SVOP: variants seen among roughly 807,000 people sequenced by gnomAD.
SVOP encodes synaptic vesicle 2-related protein.
SVOP carries 17 observed loss-of-function variants against 69.1 expected under a neutral mutation model. The observed-to-expected ratio is 0.25, with a 90% CI of 0.17 to 0.37. SVOP has a LOEUF of 0.37. Among genes scored for constraint, SVOP ranks in the 10% least tolerant of loss-of-function variants. SVOP has a pLI of 1.00. For missense variants in SVOP, 435 were observed against 597.5 expected (o/e 0.73, Z 2.84); for synonymous variants, 238 against 238.6 (o/e 1.00, Z 0.02).
intron 1 of SVOP, among the ~76,000 whole-genome samples, chr12:109,006,299 T>A (rs1279115916): frequency 6.6e-6 from 1 of 152,160 alleles, no homozygotes; most frequent in Non-Finnish European, 1.5e-5. Flanking sequence ...ATGATCTGCC[T>A]ACCTGGGCCT....
intron 1 of SVOP, among the ~76,000 whole-genome samples, chr12:109,007,214 G>C (rs2040313888): frequency 6.6e-6 from 1 of 152,204 alleles, no homozygotes; most frequent in South Asian, 2.1e-4. Flanking sequence ...AGATACCCTG[G>C]TGATGTGGCG....
chr12:108,960,279 C>T (rs907819104), intron 6 of SVOP, among the ~76,000 whole-genome samples: 6 of 152,142 alleles, frequency 3.9e-5, no homozygotes, highest in East Asian at 1.9e-4. Context: ...GTCAGCAGGT[C>T]GAATTCTGCC....
intron 5 of SVOP, among the ~76,000 whole-genome samples, chr12:108,962,168 G>A (rs998439964): frequency 1.3e-5 from 2 of 152,010 alleles, no homozygotes; most frequent in South Asian, 2.1e-4. Context: ...GTGCAATCTC[G>A]GCTCACTGCA....
intron 11 of SVOP, 95 bp from the exon 12 acceptor site, chr12:108,922,892 GT>G: frequency 2.4e-6 from 2 of 835,562 alleles, no homozygotes; most frequent in Non-Finnish European, 1.9e-6. Flanking sequence ...GGGTGATTCA[GT>G]TTAGATGCCA....
At chr12:108,939,702 T>G (rs1348211911) in intron 8 of SVOP, among the ~76,000 whole-genome samples, 1 of 152,184 alleles carries the variant, frequency 6.6e-6, no homozygotes, top group East Asian at 1.9e-4. Context: ...CCACCAACAT[T>G]CTGTTTCCTT....
chr12:108,935,834 C>T (rs1454014168), intron 10 of SVOP, among the ~76,000 whole-genome samples: 10 of 152,086 alleles, frequency 6.6e-5, no homozygotes. Flanking sequence ...CCACCCCCAA[C>T]CCACACCTTC....
chr12:108,949,271 T>C (rs1467755322), intron 6 of SVOP, among the ~76,000 whole-genome samples: 1 of 109,102 alleles, frequency 9.2e-6, no homozygotes, highest in East Asian at 2.6e-4. Flanking sequence ...TTGCAATCTT[T>C]CAGCTTTTTT....
chr12:108,912,449 G>A lies in SVOP; in HGVS notation c.*86C>T, dbSNP rs530156413. 7 of 1,588,260 alleles carry A rather than the reference G, an allele frequency of 4.4e-6. No homozygotes were observed. In the African/African-American group the frequency reaches 6.7e-5, roughly 15 times the overall value. ...TACTCTTGGGTGAGTTCTTGATGTC[G>A]GCAGTGACAATCAGTGCCCCAGTTG... On this transcript the variant is annotated 3_prime_UTR_variant, in exon 16 of 16. Transcript: ENST00000610966.
At chr12:108,986,631 A>G (rs184443337) in intron 1 of SVOP, among the ~76,000 whole-genome samples, 64 of 152,322 alleles carry the variant, frequency 4.2e-4, no homozygotes, top group African/African-American at 1.5e-3. Flanking sequence ...AAGGACTTCA[A>G]GAGACATTTC....
At chr12:108,986,746 ACT>A (rs988829477) in intron 1 of SVOP, among the ~76,000 whole-genome samples, 13 of 151,224 alleles carry the variant, frequency 8.6e-5, no homozygotes, top group African/African-American at 2.4e-4. Flanking sequence ...GCAGGTTCTC[ACT>A]CTGTCGCCAG....
Position 109,012,157 on chromosome 12 carries a change from C to A in SVOP, c.35+8677G>T, listed in dbSNP as rs1435924587. Among the ~76,000 whole-genome samples, 9 of 152,098 alleles carry A rather than the reference C, an allele frequency of 5.9e-5. No homozygotes were observed. The South Asian group carries it at 1.2e-3, about 21-fold the overall frequency. On this transcript the variant is annotated intron_variant, in intron 1 of 15. Transcript: ENST00000610966. ...AATTAGCCGAGTGCAGTGGTGGGTG[C>A]CTATAATCCCAGCTACTCAGGAGGC...
intron 1 of SVOP, 81 bp downstream of exon 1, chr12:109,020,753 T>TGGGGGGGCCCCCCCCCCC: frequency 3.1e-6 from 1 of 317,722 alleles, no homozygotes. Flanking sequence ...TGCAGAGATG[T>TGGGGGGGCCCCCCCCCCC]ACCCCCCCCC....
chr12:108,920,868 A>AT (rs2039744435), intron 12 of SVOP, among the ~76,000 whole-genome samples: 1 of 152,142 alleles, frequency 6.6e-6, no homozygotes, highest in African/African-American at 2.4e-5. Context: ...AAGCACCAGG[A>AT]TTACAGGCAT....
chr12:108,929,887 C>G (rs999158580), intron 11 of SVOP, among the ~76,000 whole-genome samples: 2 of 152,178 alleles, frequency 1.3e-5, no homozygotes, highest in Non-Finnish European at 2.9e-5. Flanking sequence ...AAAATACATA[C>G]TAAGTAAATG....
intron 8 of SVOP, among the ~76,000 whole-genome samples, chr12:108,939,510 T>C (rs1230138017): frequency 6.6e-6 from 1 of 152,228 alleles, no homozygotes; most frequent in East Asian, 1.9e-4. Flanking sequence ...CATACATTTC[T>C]GTAAAAATGG....
In SVOP at chr12:108,919,689, A is replaced by T; in HGVS notation, c.1254T>A (p.Phe418Leu). The part of the protein sequence containing the change: ...VIFSFCSLLL[F>L]ICVGRNVLTL... ...AGATCACCTACCTTCCAACACAGAT[A>T]AACAGCAGGAGGCTGCAGAAGGAGA... Residue 418 changes from phenylalanine to leucine, a missense_variant, in exon 13 of 16, where the codon TTT becomes TTA. By Grantham distance (22) the Phe-to-Leu change is conservative. Coordinates refer to ENST00000610966, the MANE Select transcript of SVOP (RefSeq NM_018711.5). 1 of 1,604,200 alleles carries T rather than the reference A, an allele frequency of 6.2e-7. No individual in the cohort carries two copies. Among genetic ancestry groups the T allele is most frequent in the Non-Finnish European group, 8.5e-7 (1 of 1,175,304 alleles).
In SVOP at chr12:108,912,115, A is replaced by C. The variant is rs2039687450; in HGVS notation, c.*420T>G. Reference sequence around the variant, plus strand: ...GGGGCTGTGAGTGTGGGAGAAACCTACTGAACAGGTCCGGTGGGTGGACAG... The same window carrying C: ...GGGGCTGTGAGTGTGGGAGAAACCTCCTGAACAGGTCCGGTGGGTGGACAG... On this transcript the variant is annotated 3_prime_UTR_variant, in exon 16 of 16. Coordinates refer to ENST00000610966, the MANE Select transcript of SVOP (RefSeq NM_018711.5). 3.2e-6 allele frequency: 3 copies of C among 935,858 alleles called. No individual in the cohort carries two copies. The African/African-American group carries it at 5.3e-5, about 17-fold the overall frequency. The allele number at this position is 935,858 out of a possible 1,614,324, so 58.0% of individuals were successfully genotyped here. A position where few individuals can be genotyped will look rare whatever the true frequency, so the allele number is the denominator to read the frequency against.
At chr12:108,963,693 A>G (rs189863829) in intron 5 of SVOP, among the ~76,000 whole-genome samples, 1 of 151,854 alleles carries the variant, frequency 6.6e-6, no homozygotes, top group South Asian at 2.1e-4. Context: ...TGCCATGTTG[A>G]CCAGGGTTTC....
chr12:108,993,055 C>T (rs896593741), intron 1 of SVOP, among the ~76,000 whole-genome samples: 2 of 151,912 alleles, frequency 1.3e-5, no homozygotes, highest in South Asian at 2.1e-4. Flanking sequence ...TTTTTTGAGA[C>T]GGAGTCTCAC....
Sources: gnomAD v4.1 joint callset for allele counts (sites outside exome capture counted in the v4.1 genomes callset) on GRCh38, gnomAD v4.1.1 for gene constraint, MANE v1.5 for transcripts, NCBI Gene and HGNC (gene_info 2026-07-23, HGNC 2026-07-21) for gene names.